LPL: variants seen among roughly 807,000 people sequenced by gnomAD.
The protein encoded by LPL is lipoprotein lipase, also known as phospholipase A1.
In LPL, 43 loss-of-function variants were observed where a neutral mutation model predicts 52.2. The ratio of observed to expected loss-of-function variants is 0.82; its 90% CI spans 0.64 to 1.06. The LOEUF is 1.06. Ranked by LOEUF, LPL falls within the 50% of genes least tolerant of loss-of-function variation. The pLI, the probability that LPL is intolerant of heterozygous loss-of-function variation, is 0.00. For missense variants in LPL, 639 were observed against 585.3 expected, an observed-to-expected ratio of 1.09 and a Z score of -0.95; for synonymous variants, 244 against 215.6, an observed-to-expected ratio of 1.13 and a Z score of -1.15.
intron 2 of LPL, among the ~76,000 whole-genome samples, chr8:19,949,850 AT>A (rs2069917854): frequency 6.6e-6 from 1 of 152,224 alleles, no homozygotes; most frequent in Non-Finnish European, 1.5e-5. Context: ...TTTTCAAAAA[AT>A]CTGAGCTTAA....
rs2069926408 is a variant in LPL at position 19,950,741 on chromosome 8, TTGCACTGAGC to T, written c.250-1025_250-1016del. On this transcript the variant is annotated intron_variant, in intron 2 of 9. Coordinates refer to ENST00000650287, the MANE Select transcript of LPL (RefSeq NM_000237.3). This position sits in a 1 kb window ranked among gnomAD's most constrained non-coding sequence, Gnocchi z 4.2. Reference sequence around the variant, plus strand: ...ATCGCTTGAACCAAGGAGGCGGAGGTTGCACTGAGCTGAGATCATGCCACTGCACTCCAGC... The same window carrying T: ...ATCGCTTGAACCAAGGAGGCGGAGGTTGAGATCATGCCACTGCACTCCAGC... 6.6e-6 allele frequency among the ~76,000 whole-genome samples: 1 copy of T among 151,658 alleles called. No homozygotes were observed. The highest frequency in any genetic ancestry group is 1.5e-5 in the Non-Finnish European group (1 of 67,926).
At chr8:19,962,455 C>T (rs190885376) in intron 9 of LPL, among the ~76,000 whole-genome samples, 114 of 152,266 alleles carry the variant, frequency 7.5e-4, no homozygotes, top group African/African-American at 2.6e-3. Flanking sequence ...ACCTTCAACC[C>T]AGGCACACAT....
At chr8:19,951,699 G>T in intron 2 of LPL, 70 bp from the exon 3 acceptor site, 1 of 1,536,394 alleles carries the variant, frequency 6.5e-7, no homozygotes, top group Admixed American at 1.7e-5. Flanking sequence ...TCATGCAGGT[G>T]TATTGGGCTG....
chr8:19,947,569 G>T (rs138110428), intron 1 of LPL, among the ~76,000 whole-genome samples: 2 of 152,146 alleles, frequency 1.3e-5, no homozygotes, highest in East Asian at 3.9e-4. Context: ...GTTCGAGGGT[G>T]CAGTGAACCA....
rs1396587347 is a variant in LPL, at chr8:19,939,652, C to T, written c.88+124C>T. ...GGATGCGCCCAGGGACTCTCCCAGCCTGGGCTCTAGCCCCGAAACGGTCCC... is the reference window on the plus strand; with the variant it reads ...GGATGCGCCCAGGGACTCTCCCAGCTTGGGCTCTAGCCCCGAAACGGTCCC... On this transcript the variant is annotated intron_variant, in intron 1 of 9. Transcript: ENST00000650287. The surrounding 1 kb of genome is among the most constrained non-coding windows in gnomAD (Gnocchi z 4.0). 3.0e-6 allele frequency: 3 copies of T among 1,006,692 alleles called. No homozygotes were observed. In the African/African-American group the frequency reaches 4.8e-5, roughly 16 times the overall value. The allele number at this position is 1,006,692 out of a possible 1,614,324, so 62.4% of individuals were successfully genotyped here. A position where few individuals can be genotyped will look rare whatever the true frequency, so the allele number is the denominator to read the frequency against.
Position 19,960,940 on chromosome 8 carries a change from T to G in LPL, c.1179T>G (p.Ile393Met), listed in dbSNP as rs766273113. The G allele has an allele frequency of 4.3e-6, 7 of 1,614,074 alleles. No homozygotes were observed. The highest frequency in any genetic ancestry group is 5.9e-6 in the Non-Finnish European group (7 of 1,179,976). ...VSTNKTYSFL[I>M]YTEVDIGELL... ...CAAATAAGACCTACTCCTTCCTAATTTACACAGAGGTAGATATTGGAGAAC... is the reference window on the plus strand; with the variant it reads ...CAAATAAGACCTACTCCTTCCTAATGTACACAGAGGTAGATATTGGAGAAC... The change falls in exon 8 of 10, where the codon ATT (isoleucine) becomes ATG (methionine). Residue 393 changes from isoleucine (I) to methionine (M), a missense_variant. Coordinates refer to ENST00000650287, the MANE Select transcript of LPL (RefSeq NM_000237.3).
At position 19,948,402 on chromosome 8, in the gene LPL, C is replaced by A. The variant is rs567313636; in HGVS notation, c.249+62C>A. The A allele has an allele frequency of 1.7e-5, 27 of 1,591,112 alleles. No individual in the cohort carries two copies. The East Asian group carries it at 6.1e-4, about 36-fold the overall frequency. On this transcript the variant is annotated intron_variant, in intron 2 of 9. Coordinates refer to ENST00000650287, the MANE Select transcript of LPL (RefSeq NM_000237.3). ...GGTGAGGTATCCTGACTGGCCTGCC[C>A]AATTGTTGGGGACCCAGTGATGGGT... is the stretch of plus-strand genomic sequence containing the variant.
At chr8:19,945,600 A>G (rs2069876328) in intron 1 of LPL, among the ~76,000 whole-genome samples, 1 of 152,186 alleles carries the variant, frequency 6.6e-6, no homozygotes, top group Non-Finnish European at 1.5e-5. Flanking sequence ...CATACATGCA[A>G]TCTGGTACAG....
Position 19,954,314 on chromosome 8 carries a change from G to T in LPL, c.736G>T (p.Gly246Ter). 2 of 1,614,158 alleles carry T rather than the reference G, an allele frequency of 1.2e-6. No homozygotes were observed. The highest frequency in any genetic ancestry group is 1.7e-6 in the Non-Finnish European group (2 of 1,180,016). Residue 246 changes from glycine (G) to a stop codon, truncating the protein, a stop_gained, in exon 5 of 10, where the codon GGA (glycine) becomes TGA (stop). Coordinates refer to ENST00000650287, the MANE Select transcript of LPL (RefSeq NM_000237.3). LOFTEE classifies it high-confidence loss of function. ...GGTFQPGCNI[G>*]EAIRVIAERG... is the part of the protein sequence containing the mutation. Reference sequence around the variant, plus strand: ...TACTTTTCAGCCAGGATGTAACATTGGAGAAGCTATCCGCGTGATTGCAGA... The same window carrying T: ...TACTTTTCAGCCAGGATGTAACATTTGAGAAGCTATCCGCGTGATTGCAGA...
chr8:19,948,445 C>A, intron 2 of LPL, 105 bp downstream of exon 2: 3 of 1,286,514 alleles, frequency 2.3e-6, no homozygotes, highest in Non-Finnish European at 3.3e-6. Context: ...CCACATCTCA[C>A]GTGGATCTCC....
At chr8:19,954,469 T>C (rs2069965506) in intron 5 of LPL, 116 bp downstream of exon 5, 1 of 1,014,936 alleles carries the variant, frequency 9.9e-7, no homozygotes, top group Non-Finnish European at 1.5e-6. Context: ...TTGGCCAAAT[T>C]ATGTTTCTGA....
At chr8:19,940,176 C>G (rs1282526626) in intron 1 of LPL, among the ~76,000 whole-genome samples, 2 of 152,210 alleles carry the variant, frequency 1.3e-5, no homozygotes, top group Non-Finnish European at 2.9e-5. Flanking sequence ...GCGTCCCACC[C>G]GCTCTGGGGA....
At position 19,965,468 on chromosome 8, in the gene LPL, G is replaced by C. The variant is rs373148302; in HGVS notation, c.*158G>C. 2.4e-5 allele frequency: 15 copies of C among 634,464 alleles called. No homozygotes were observed. The African/African-American group carries it at 2.6e-4, about 11-fold the overall frequency. The allele number at this position is 634,464 out of a possible 1,614,324, so 39.3% of individuals were successfully genotyped here. On this transcript the variant is annotated 3_prime_UTR_variant, in exon 10 of 10. Transcript: ENST00000650287. The stretch of plus-strand genomic sequence containing the variant: ...GCCCTACCCTTGTTAGTTATTTTAG[G>C]AGACAGTCTCAAGCACTAAAAAGTG...
intron 2 of LPL, chr8:19,951,551 T>C: frequency 1.6e-6 from 1 of 630,672 alleles, no homozygotes; most frequent in South Asian, 1.8e-5. Flanking sequence ...CAATCTGCCG[T>C]TCCTCAACTC....
chr8:19,965,190 A>T (rs1013929056), intron 9 of LPL, 120 bp from the exon 10 acceptor site: 3 of 726,676 alleles, frequency 4.1e-6, no homozygotes, highest in Non-Finnish European at 5.1e-6. Flanking sequence ...TATTCTCACA[A>T]CCTTTGTTCT....
chr8:19,949,960 G>A (rs1261304788), intron 2 of LPL, among the ~76,000 whole-genome samples: 1 of 150,586 alleles, frequency 6.6e-6, no homozygotes, highest in Non-Finnish European at 1.5e-5. Context: ...GGAAAAAAAT[G>A]GTTCTTTTTC....
chr8:19,952,322 A>G (rs1366561958), intron 3 of LPL, among the ~76,000 whole-genome samples: 1 of 152,198 alleles, frequency 6.6e-6, no homozygotes, highest in Non-Finnish European at 1.5e-5. Context: ...TCACCTTGAC[A>G]TACCAATCTC....
chr8:19,943,188 A>G (rs2069855030), intron 1 of LPL, among the ~76,000 whole-genome samples: 1 of 152,172 alleles, frequency 6.6e-6, no homozygotes, highest in South Asian at 2.1e-4. Context: ...AGGTAGGGGT[A>G]ATACCATTCT....
At chr8:19,959,515 G>T in intron 7 of LPL, 135 bp downstream of exon 7, 1 of 1,129,004 alleles carries the variant, frequency 8.9e-7, no homozygotes, top group South Asian at 1.8e-5. Context: ...TCAAAATTGA[G>T]GTCTTTCCTC....
Sources: allele counts gnomAD v4.1 joint callset (sites outside exome capture counted in the v4.1 genomes callset), GRCh38; gene constraint gnomAD v4.1.1; non-coding constraint Gnocchi (gnomAD v3.1); transcripts MANE v1.5; gene names NCBI Gene and HGNC (gene_info 2026-07-23, HGNC 2026-07-21).